The following LAMA3 variants were observed in gnomAD, a reference collection of about 807,000 sequenced individuals.
LAMA3 encodes laminin subunit alpha-3.
In LAMA3, 281 loss-of-function variants were observed where a neutral mutation model predicts 402.0. That is an observed-to-expected ratio of 0.70 (90% CI 0.63 to 0.77). LAMA3 has a LOEUF of 0.77. LAMA3 is among the 30% of genes least tolerant of loss of function. The pLI is 0.00. For synonymous variants in LAMA3, 1,431 were observed against 1,558.4 expected, an observed-to-expected ratio of 0.92 and a Z score of 1.93; for missense variants, 3,840 against 4,215.5, an observed-to-expected ratio of 0.91 and a Z score of 2.47.
At chr18:23,831,118 A>G (rs1180600172) in intron 23 of LAMA3, among the ~76,000 whole-genome samples, 1 of 152,092 alleles carries the variant, frequency 6.6e-6, no homozygotes, top group African/African-American at 2.4e-5. Context: ...AAATACAATC[A>G]TTTTTGTGAG....
intron 9 of LAMA3, among the ~76,000 whole-genome samples, chr18:23,773,973 G>A (rs1426153989): frequency 1.3e-5 from 2 of 152,048 alleles, no homozygotes; most frequent in African/African-American, 2.4e-5. Flanking sequence ...GTAATCCCAG[G>A]ACTTTGGGAG....
chr18:23,851,957 T>TA (rs111783935), intron 32 of LAMA3, among the ~76,000 whole-genome samples: 22,931 of 148,124 alleles, frequency 0.15, 3,779 homozygotes, highest in African/African-American at 0.4. Context: ...CCCTTTGGGT[T>TA]AAAAAAAAAA....
chr18:23,879,577 T>C lies in LAMA3; in HGVS notation c.5113-2359T>C, dbSNP rs1392201421. Among the ~76,000 whole-genome samples, 2 of 152,214 alleles carry C rather than the reference T, an allele frequency of 1.3e-5. No homozygotes were observed. Among genetic ancestry groups the C allele is most frequent in the Non-Finnish European group, 2.9e-5 (2 of 68,030 alleles). On this transcript the variant is annotated intron_variant, in intron 39 of 74. Transcript: ENST00000313654. This position sits in a 1 kb window ranked among gnomAD's most constrained non-coding sequence, Gnocchi z 4.2. Reference sequence around the variant, plus strand: ...GAGCCTAGCATAGTTGGGCATATAGTAAATGCCTAATAGATATTTGGTGAC... The same window carrying C: ...GAGCCTAGCATAGTTGGGCATATAGCAAATGCCTAATAGATATTTGGTGAC...
At chr18:23,893,506 C>T (rs2080765615) in intron 42 of LAMA3, among the ~76,000 whole-genome samples, 1 of 152,134 alleles carries the variant, frequency 6.6e-6, no homozygotes, top group South Asian at 2.1e-4. Context: ...TCGGTTGAAT[C>T]TGGGAGGCAG....
At chr18:23,701,824 G>A (rs909562136) in intron 1 of LAMA3, among the ~76,000 whole-genome samples, 33 of 152,218 alleles carry the variant, frequency 2.2e-4, no homozygotes, top group African/African-American at 7.5e-4. Context: ...TGGGAGAAGC[G>A]TGTTCCTGGG....
rs370576353 is a variant in LAMA3 at position 23,950,123 on chromosome 18, C to A, written c.9606C>A (p.Pro3202=). 1 of 1,614,026 alleles carries A rather than the reference C, an allele frequency of 6.2e-7. No individual in the cohort carries two copies. The highest frequency in any genetic ancestry group is 1.1e-5 in the South Asian group (1 of 91,064). The change falls in exon 72 of 75, where the codon CCC becomes CCA. Residue 3202 remains proline (P), a synonymous_variant. Transcript: ENST00000313654. ...TGILIHIGSQ[P]GKHLCVYLEA... ...TCCTAATACACATCGGAAGTCAGCC[C>A]GGGAAGCACTTATGTGTTTACCTGG...
At chr18:23,699,056 A>T (rs944726026) in intron 1 of LAMA3, among the ~76,000 whole-genome samples, 1 of 141,004 alleles carries the variant, frequency 7.1e-6, no homozygotes, top group East Asian at 2.0e-4. Context: ...GAGAGAGAGA[A>T]AGAAAAGAAA....
intron 30 of LAMA3, among the ~76,000 whole-genome samples, 158 bp downstream of exon 30, chr18:23,845,282 A>G (rs1474279904): frequency 6.6e-6 from 1 of 152,048 alleles, no homozygotes; most frequent in Non-Finnish European, 1.5e-5. Context: ...CTCTTTCTCC[A>G]CACCAACCCT....
At chr18:23,701,126 C>T (rs961869892) in intron 1 of LAMA3, among the ~76,000 whole-genome samples, 1 of 152,148 alleles carries the variant, frequency 6.6e-6, no homozygotes, top group Admixed American at 6.5e-5. Flanking sequence ...GCATTGTTGC[C>T]TGGGAAACCT....
At chr18:23,903,718 A>G (rs527866157) in intron 49 of LAMA3, among the ~76,000 whole-genome samples, 1 of 152,340 alleles carries the variant, frequency 6.6e-6, no homozygotes, top group Non-Finnish European at 1.5e-5. Context: ...TTCTCACCAT[A>G]ATGAGAATGT....
intron 2 of LAMA3, among the ~76,000 whole-genome samples, chr18:23,726,416 T>C (rs1258912250): frequency 6.6e-6 from 1 of 152,170 alleles, no homozygotes; most frequent in African/African-American, 2.4e-5. Context: ...GGCTGTTTTG[T>C]AAATCCCTGT....
At chr18:23,775,281 G>T (rs555767612) in intron 9 of LAMA3, among the ~76,000 whole-genome samples, 81 of 152,350 alleles carry the variant, frequency 5.3e-4, no homozygotes, top group African/African-American at 1.9e-3. Context: ...GCTGCCTTCA[G>T]TAAGCCATTT....
chr18:23,719,103 C>T (rs1459032420), intron 2 of LAMA3, among the ~76,000 whole-genome samples: 2 of 152,206 alleles, frequency 1.3e-5, no homozygotes, highest in Non-Finnish European at 2.9e-5. Context: ...ATGTTCCTCT[C>T]TTCCCAGTTT....
At chr18:23,772,413 C>A (rs2062220735) in intron 8 of LAMA3, among the ~76,000 whole-genome samples, 2 of 152,150 alleles carry the variant, frequency 1.3e-5, no homozygotes, top group South Asian at 4.1e-4. Context: ...TCTAGTTAAC[C>A]TGATGTCCTC....
chr18:23,712,680 C>G (rs986369114), intron 1 of LAMA3, among the ~76,000 whole-genome samples: 2 of 145,132 alleles, frequency 1.4e-5, no homozygotes, highest in Non-Finnish European at 3.0e-5. Flanking sequence ...ATGAAAGAAC[C>G]ATGAGTTGCA....
Position 23,915,319 on chromosome 18 carries a change from A to G in LAMA3, c.7675A>G (p.Lys2559Glu). 2 of 1,613,894 alleles carry G rather than the reference A, an allele frequency of 1.2e-6. No individual in the cohort carries two copies. Among genetic ancestry groups the G allele is most frequent in the East Asian group, 4.5e-5 (2 of 44,862 alleles). ...LPSRLSFPPY[K>E]GCIELDDLNE... ...CAGTCGACTAAGTTTCCCTCCATAC[A>G]AAGGTTGTATTGAATTAGATGACCT... Residue 2559 changes from lysine (K) to glutamate (E), a missense_variant, in exon 59 of 75, where the codon AAA becomes GAA. Around this residue, in one of 3 missense-constraint regions of LAMA3, gnomAD observed 840 missense variants for 981.9 expected, o/e 0.86. Coordinates refer to ENST00000313654, the MANE Select transcript of LAMA3 (RefSeq NM_198129.4).
At chr18:23,769,458 A>G (rs1029796450) in intron 8 of LAMA3, among the ~76,000 whole-genome samples, 1 of 152,256 alleles carries the variant, frequency 6.6e-6, no homozygotes, top group African/African-American at 2.4e-5. Flanking sequence ...CAACAATAGC[A>G]TAAAAAATAA....
At chr18:23,928,536 G>C (rs1834129418) in intron 63 of LAMA3, 89 bp from the exon 64 acceptor site, 5 of 1,249,152 alleles carry the variant, frequency 4.0e-6, no homozygotes, top group Non-Finnish European at 2.4e-6. Context: ...ACATTAATCA[G>C]TTTGAGTAAA....
chr18:23,689,735 C>T lies in LAMA3; in HGVS notation c.52C>T (p.Pro18Ser). 6.7e-7 allele frequency: 1 copy of T among 1,492,002 alleles called. No homozygotes were observed. Among genetic ancestry groups the T allele is most frequent in the Non-Finnish European group, 8.9e-7 (1 of 1,125,188 alleles). The allele number at this position is 1,492,002 out of a possible 1,614,324, so 92.4% of individuals were successfully genotyped here. A position where few individuals can be genotyped will look rare whatever the true frequency, so the allele number is the denominator to read the frequency against. The change falls in exon 1 of 75, where the codon CCG (proline) becomes TCG (serine). Residue 18 changes from proline to serine, a missense_variant. Pro to Ser is a moderately conservative substitution (Grantham distance 74, BLOSUM62 -1). This residue lies in a region of LAMA3 where 2,109 missense variants were observed against 2,376.0 expected (regional missense o/e 0.89). Coordinates refer to ENST00000313654, the MANE Select transcript of LAMA3 (RefSeq NM_198129.4). Reference protein sequence around the residue: ...RGRALGPVLPPTPLLLLVLRV... With the variant: ...RGRALGPVLPSTPLLLLVLRV... Reference sequence around the variant, plus strand: ...TCGGGCACTGGGGCCAGTACTGCCGCCGACGCCGCTGCTCCTGCTGGTACT... The same window carrying T: ...TCGGGCACTGGGGCCAGTACTGCCGTCGACGCCGCTGCTCCTGCTGGTACT...
Sources: gnomAD v4.1 joint callset for allele counts (sites outside exome capture counted in the v4.1 genomes callset) on GRCh38, gnomAD v4.1.1 for gene constraint, gnomAD v4.1.1 regional missense constraint, Gnocchi (gnomAD v3.1) non-coding constraint, MANE v1.5 for transcripts, NCBI Gene and HGNC (gene_info 2026-07-23, HGNC 2026-07-21) for gene names.